ARHGAP20: variants seen among roughly 807,000 people sequenced by gnomAD.
The protein encoded by ARHGAP20 is Rho GTPase activating protein 20.
In ARHGAP20, 34 loss-of-function variants were observed where a neutral mutation model predicts 73.7. That is an observed-to-expected ratio of 0.46 (90% confidence interval 0.35 to 0.61). The LOEUF (loss-of-function observed/expected upper bound fraction) is 0.61. Among genes scored for constraint, ARHGAP20 ranks in the 20% least tolerant of loss-of-function variants. The pLI, the probability that ARHGAP20 is intolerant of heterozygous loss-of-function variation, is 0.00. For synonymous variants in ARHGAP20, 523 were observed against 518.2 expected (o/e 1.01, Z -0.13); for missense variants, 1,314 against 1,420.9 (o/e 0.92, Z 1.21).
intron 2 of ARHGAP20, among the ~76,000 whole-genome samples, chr11:110,664,789 G>T (rs1267073896): frequency 7.3e-5 from 11 of 150,408 alleles, no homozygotes. Flanking sequence ...AATAAAATAT[G>T]AAATACTTAG....
chr11:110,591,017 G>A (rs1257211443), intron 10 of ARHGAP20, among the ~76,000 whole-genome samples: 3 of 152,180 alleles, frequency 2.0e-5, no homozygotes, highest in African/African-American at 4.8e-5. Context: ...TGGTGAGCAG[G>A]TTGGGGAGAT....
At chr11:110,619,372 G>A (rs953775753) in intron 4 of ARHGAP20, among the ~76,000 whole-genome samples, 3 of 150,048 alleles carry the variant, frequency 2.0e-5, no homozygotes, top group Non-Finnish European at 4.4e-5. Flanking sequence ...TAGCATATAT[G>A]TAGAGTATAT....
intron 1 of ARHGAP20, among the ~76,000 whole-genome samples, chr11:110,709,792 A>T (rs1475843135): frequency 1.3e-5 from 2 of 152,252 alleles, no homozygotes; most frequent in African/African-American, 2.4e-5. Context: ...GAATTTTATT[A>T]TAAATGGATG....
In ARHGAP20 at chr11:110,577,434, C is replaced by A; in HGVS notation, c.*1936G>T. 9.2e-7 allele frequency: 1 copy of A among 1,092,688 alleles called. No homozygotes were observed. The highest frequency in any genetic ancestry group is 1.1e-6 in the Non-Finnish European group (1 of 900,820). 67.7% of individuals were successfully genotyped at this position (1,092,688 alleles called of 1,614,324 possible). A position where few individuals can be genotyped will look rare whatever the true frequency, so the allele number is the denominator to read the frequency against. Reference sequence around the variant, plus strand: ...ACCTCAGCAACTATTTTCTTCTATGCTTCAAATTGGGTGAATGATTTTTTA... The same window carrying A: ...ACCTCAGCAACTATTTTCTTCTATGATTCAAATTGGGTGAATGATTTTTTA... On this transcript the variant is annotated 3_prime_UTR_variant, in exon 15 of 15. Coordinates refer to ENST00000683387, the MANE Select transcript of ARHGAP20 (RefSeq NM_001384657.1).
At chr11:110,686,533 T>C (rs539448124) in intron 2 of ARHGAP20, among the ~76,000 whole-genome samples, 1 of 152,288 alleles carries the variant, frequency 6.6e-6, no homozygotes, top group Non-Finnish European at 1.5e-5. Flanking sequence ...CAATTGTAAA[T>C]ACTTCCTTAA....
At chr11:110,696,032 T>C in intron 1 of ARHGAP20, among the ~76,000 whole-genome samples, 1 of 151,556 alleles carries the variant, frequency 6.6e-6, no homozygotes, top group Non-Finnish European at 1.5e-5. Context: ...TGAGTGAACC[T>C]TGAAAACATT....
intron 10 of ARHGAP20, among the ~76,000 whole-genome samples, chr11:110,591,736 A>G (rs1408296000): frequency 6.6e-6 from 1 of 152,204 alleles, no homozygotes; most frequent in Non-Finnish European, 1.5e-5. Context: ...TGCAGGGCAA[A>G]TTCTGCTTTA....
At chr11:110,610,382 C>T (rs1475247320) in intron 7 of ARHGAP20, among the ~76,000 whole-genome samples, 2 of 151,974 alleles carry the variant, frequency 1.3e-5, no homozygotes, top group African/African-American at 2.4e-5. Context: ...AATGATGTAA[C>T]GTGACACATA....
chr11:110,651,394 T>C (rs1301013480), intron 2 of ARHGAP20, among the ~76,000 whole-genome samples: 1 of 151,258 alleles, frequency 6.6e-6, no homozygotes, highest in African/African-American at 2.4e-5. Context: ...CTGAAGAAGG[T>C]AGAGACATGA....
intron 1 of ARHGAP20, chr11:110,711,867 G>A (rs903590963): frequency 1.4e-5 from 19 of 1,315,612 alleles, no homozygotes; most frequent in South Asian, 2.2e-5. Context: ...GGATGGAGAC[G>A]GGAGGGAGGC....
chr11:110,640,197 A>G lies in ARHGAP20; in HGVS notation c.189-9405T>C, dbSNP rs571375594. ...ACCTATAGTTTATAATGAACTCCTA[A>G]CTGGATTCTCTAATTTTTACCTCTC... On this transcript the variant is annotated intron_variant, in intron 2 of 14. Coordinates refer to ENST00000683387, the MANE Select transcript of ARHGAP20 (RefSeq NM_001384657.1). Among the ~76,000 whole-genome samples the G allele has an allele frequency of 1.1e-4, 17 of 152,140 alleles. No individual in the cohort carries two copies. The South Asian group carries it at 3.5e-3, about 32-fold the overall frequency.
intron 2 of ARHGAP20, among the ~76,000 whole-genome samples, chr11:110,636,013 G>T (rs1329453470): frequency 6.6e-6 from 1 of 152,052 alleles, no homozygotes; most frequent in Non-Finnish European, 1.5e-5. Context: ...GGAAAACTTT[G>T]CAAGAGGAAA....
At chr11:110,680,004 C>A (rs776759846) in intron 2 of ARHGAP20, among the ~76,000 whole-genome samples, 1 of 152,208 alleles carries the variant, frequency 6.6e-6, no homozygotes, top group Non-Finnish European at 1.5e-5. Flanking sequence ...AAGAGTTGAC[C>A]CATAGTCAAG....
intron 13 of ARHGAP20, among the ~76,000 whole-genome samples, chr11:110,582,720 G>T (rs1201512746): frequency 1.3e-5 from 2 of 152,276 alleles, no homozygotes; most frequent in African/African-American, 4.8e-5. Context: ...AATATATTTT[G>T]TTATTAAAAT....
Position 110,577,533 on chromosome 11 carries a change from A to ACAT in ARHGAP20, c.*1834_*1836dup, listed in dbSNP as rs1197140758. The ACAT allele has an allele frequency of 1.2e-5, 12 of 995,478 alleles. No homozygotes were observed. Among genetic ancestry groups the ACAT allele is most frequent in the Non-Finnish European group, 1.3e-5 (11 of 836,680 alleles). 61.7% of individuals were successfully genotyped at this position (995,478 alleles called of 1,614,324 possible). On this transcript the variant is annotated 3_prime_UTR_variant, in exon 15 of 15. Transcript: ENST00000683387. ...CTCCAAGCCGTTAAGAGCTTCATTC[A>ACAT]CATCTTGCAGTTCTGACTGACAGTA...
chr11:110,664,455 G>T (rs12289042), intron 2 of ARHGAP20, among the ~76,000 whole-genome samples: 3 of 152,052 alleles, frequency 2.0e-5, no homozygotes, highest in African/African-American at 7.2e-5. Context: ...GGGGCCAGGC[G>T]CAATGGCTCA....
Position 110,606,581 on chromosome 11 carries a change from G to A in ARHGAP20, c.944C>T (p.Ala315Val). Residue 315 changes from alanine to valine, a missense_variant, in exon 9 of 15, where the codon GCT becomes GTT. Physicochemically the swap from Ala to Val is moderately conservative, Grantham distance 64. Around this residue, in one of 3 missense-constraint regions of ARHGAP20, gnomAD observed 443 missense variants for 466.4 expected, o/e 0.95. Coordinates refer to ENST00000683387, the MANE Select transcript of ARHGAP20 (RefSeq NM_001384657.1). Reference protein sequence around the residue: ...CQFILKPSRLAAAQQLSDSGH... With the variant: ...CQFILKPSRLVAAQQLSDSGH... ...CTCACCACTCAGTTGCTGGGCTGCA[G>A]CCAGGCGGCTGGGCTTCAGGATGAA... is the stretch of plus-strand genomic sequence containing the variant. The A allele has an allele frequency of 6.2e-7, 1 of 1,610,838 alleles. No individual in the cohort carries two copies. Among genetic ancestry groups the A allele is most frequent in the Non-Finnish European group, 8.5e-7 (1 of 1,178,940 alleles).
intron 2 of ARHGAP20, among the ~76,000 whole-genome samples, chr11:110,681,107 C>G: frequency 6.6e-6 from 1 of 152,256 alleles, no homozygotes; most frequent in Middle Eastern, 3.4e-3. Context: ...AACCTCACAA[C>G]GTATTGTCCA....
intron 9 of ARHGAP20, among the ~76,000 whole-genome samples, chr11:110,599,209 C>T: frequency 6.6e-6 from 1 of 152,190 alleles, no homozygotes; most frequent in Non-Finnish European, 1.5e-5. Context: ...CTTGGGGGTC[C>T]TTAAGGCCAC....
Sources: gnomAD v4.1 joint callset for allele counts (sites outside exome capture counted in the v4.1 genomes callset) on GRCh38, gnomAD v4.1.1 for gene constraint, gnomAD v4.1.1 regional missense constraint, MANE v1.5 for transcripts, NCBI Gene and HGNC (gene_info 2026-07-23, HGNC 2026-07-21) for gene names.